The following TMTC1 variants were observed in gnomAD, a reference collection of about 807,000 sequenced individuals.
The protein encoded by TMTC1 is protein O-mannosyl-transferase TMTC1.
A neutral mutation model predicts 104.8 loss-of-function variants in TMTC1; 73 were observed. The observed-to-expected ratio is 0.70, with a 90% CI of 0.58 to 0.85. The LOEUF (loss-of-function observed/expected upper bound fraction) is 0.85, where lower values mean the gene tolerates loss of function less well. Ranked by LOEUF, TMTC1 falls within the 40% of genes least tolerant of loss-of-function variation. The pLI is 0.00. For missense variants in TMTC1, 1,035 were observed against 1,096.1 expected, an observed-to-expected ratio of 0.94 and a Z score of 0.79; for synonymous variants, 434 against 428.7, an observed-to-expected ratio of 1.01 and a Z score of -0.15.
intron 6 of TMTC1, among the ~76,000 whole-genome samples, chr12:29,617,536 CAGAG>C (rs145115277): frequency 1.6e-3 from 221 of 134,960 alleles, no homozygotes; most frequent in South Asian, 3.8e-3. Flanking sequence ...AAACAGACAA[CAGAG>C]AGAGAGAGAG....
At chr12:29,740,195 T>G (rs962634004) in intron 5 of TMTC1, among the ~76,000 whole-genome samples, 3 of 152,032 alleles carry the variant, frequency 2.0e-5, no homozygotes, top group African/African-American at 7.2e-5. Context: ...TAAAAAAAAT[T>G]TTGAGGAGAT....
chr12:29,585,158 T>C (rs1249067623), intron 7 of TMTC1, among the ~76,000 whole-genome samples: 4 of 151,644 alleles, frequency 2.6e-5, no homozygotes, highest in African/African-American at 9.7e-5. Context: ...GGTATCTCAT[T>C]GTGGTTTTGA....
At chr12:29,626,843 G>A (rs1417757310) in intron 6 of TMTC1, among the ~76,000 whole-genome samples, 3 of 152,200 alleles carry the variant, frequency 2.0e-5, no homozygotes, top group Non-Finnish European at 4.4e-5. Flanking sequence ...GCTCATGCCT[G>A]TAATCCCAGC....
chr12:29,674,900 C>T (rs756975401), intron 5 of TMTC1, among the ~76,000 whole-genome samples: 2 of 152,264 alleles, frequency 1.3e-5, no homozygotes, highest in African/African-American at 2.4e-5. Context: ...ATGATTATTA[C>T]TTAATACCCA....
At chr12:29,542,305 T>A (rs1389386198) in intron 10 of TMTC1, among the ~76,000 whole-genome samples, 2 of 152,142 alleles carry the variant, frequency 1.3e-5, no homozygotes, top group East Asian at 3.9e-4. Flanking sequence ...TCAGAGCTTC[T>A]GGTAGAGGGT....
chr12:29,735,041 G>A lies in TMTC1; in HGVS notation c.938+16625C>T, dbSNP rs139849514. Among the ~76,000 whole-genome samples, 1,497 of 152,288 alleles carry A rather than the reference G, an allele frequency of 9.8e-3. 12 individuals carry two copies. Among genetic ancestry groups the A allele is most frequent in the African/African-American group, 0.018 (767 of 41,552 alleles). ...TTAAACAACTAAGCATATGCCAACC[G>A]TGTTCACATTCAACCGCAGAACTAA... On this transcript the variant is annotated intron_variant, in intron 5 of 17. Transcript: ENST00000539277.
intron 5 of TMTC1, among the ~76,000 whole-genome samples, chr12:29,644,363 G>A (rs549478237): frequency 6.6e-6 from 1 of 151,660 alleles, no homozygotes; most frequent in South Asian, 2.1e-4. Context: ...GACTTGGGGG[G>A]AAGAGTGTGA....
At chr12:29,613,961 C>T (rs888099794) in intron 6 of TMTC1, 11 of 977,074 alleles carry the variant, frequency 1.1e-5, no homozygotes, top group Non-Finnish European at 1.3e-5. Flanking sequence ...GAAGACAGTC[C>T]CTTTGTTCTA....
At chr12:29,549,886 G>C (rs924154002) in intron 10 of TMTC1, among the ~76,000 whole-genome samples, 1 of 152,106 alleles carries the variant, frequency 6.6e-6, no homozygotes. Flanking sequence ...TCCATGTAGG[G>C]ATCCCATTCA....
intron 11 of TMTC1, among the ~76,000 whole-genome samples, chr12:29,526,307 G>GTATA (rs1944342752): frequency 6.6e-6 from 1 of 152,172 alleles, no homozygotes; most frequent in South Asian, 2.1e-4. Context: ...CTCTCCATGA[G>GTATA]TATATGCTTA....
rs76451788 is a variant in TMTC1 at position 29,606,179 on chromosome 12, G to T, written c.1129-1880C>A. On this transcript the variant is annotated intron_variant, in intron 6 of 17. Coordinates refer to ENST00000539277, the MANE Select transcript of TMTC1 (RefSeq NM_001193451.2). ...AAAGTGCTGTGATAAACACATAAGT[G>T]CAGGCATCTTTTTGGTAGAATGATT... 2.2e-3 allele frequency among the ~76,000 whole-genome samples: 337 copies of T among 152,284 alleles called. 1 individual carries two copies. The highest frequency in any genetic ancestry group is 7.8e-3 in the African/African-American group (325 of 41,558).
chr12:29,709,096 T>C (rs1476440242), intron 5 of TMTC1, among the ~76,000 whole-genome samples: 1 of 152,236 alleles, frequency 6.6e-6, no homozygotes, highest in Non-Finnish European at 1.5e-5. Flanking sequence ...TTTTGCACTA[T>C]ATATCAGAAA....
Position 29,758,713 on chromosome 12 carries a change from G to C in TMTC1, c.545C>G (p.Ser182Trp). The C allele has an allele frequency of 6.2e-7, 1 of 1,613,566 alleles. No individual in the cohort carries two copies. The highest frequency in any genetic ancestry group is 8.5e-7 in the Non-Finnish European group (1 of 1,179,796). The change falls in exon 3 of 18, where the codon TCG (serine) becomes TGG (tryptophan). Residue 182 changes from serine to tryptophan, a missense_variant. By Grantham distance (177) the Ser-to-Trp change is radical. Transcript: ENST00000539277. ...ACLLFLLAFL[S>W]YNRSLDQGCV... Reference sequence around the variant, plus strand: ...TCTTAGCTACACATACCTGTTGTACGAGAGAAAGGCCAATAGAAACAGCAG... The same window carrying C: ...TCTTAGCTACACATACCTGTTGTACCAGAGAAAGGCCAATAGAAACAGCAG...
intron 4 of TMTC1, among the ~76,000 whole-genome samples, 168 bp from the exon 5 acceptor site, chr12:29,752,040 C>T (rs1943104048): frequency 6.6e-6 from 1 of 152,040 alleles, no homozygotes; most frequent in African/African-American, 2.4e-5. Context: ...ATTAAAACAA[C>T]ATAATTATGA....
intron 5 of TMTC1, among the ~76,000 whole-genome samples, chr12:29,711,501 A>C (rs1052845006): frequency 6.6e-6 from 1 of 152,204 alleles, no homozygotes; most frequent in Non-Finnish European, 1.5e-5. Context: ...ATGCTGACCT[A>C]GGACGGGTGT....
At chr12:29,538,413 T>G (rs1177933569) in intron 10 of TMTC1, among the ~76,000 whole-genome samples, 1 of 152,206 alleles carries the variant, frequency 6.6e-6, no homozygotes, top group Admixed American at 6.5e-5. Flanking sequence ...CATAAATCTT[T>G]AATAACATTA....
intron 5 of TMTC1, chr12:29,666,395 G>A: frequency 3.1e-6 from 1 of 322,188 alleles, no homozygotes; most frequent in South Asian, 2.4e-5. Context: ...TTTTTTTTTT[G>A]TTGTTGTTGT....
At chr12:29,637,091 C>T (rs1344431935) in intron 5 of TMTC1, among the ~76,000 whole-genome samples, 1 of 70,740 alleles carries the variant, frequency 1.4e-5, no homozygotes, top group East Asian at 2.8e-4. Flanking sequence ...GAGAAACACA[C>T]ACACACACAC....
rs1007195526 is a variant in TMTC1, at chr12:29,518,569, T to C, written c.1927A>G (p.Ile643Val). The C allele has an allele frequency of 5.0e-6, 8 of 1,614,036 alleles. No individual in the cohort carries two copies. In the African/African-American group the frequency reaches 9.3e-5, roughly 19 times the overall value. Reference protein sequence around the residue: ...EKAVAHYQQAIKLSPSHHVAM... With the variant: ...EKAVAHYQQAVKLSPSHHVAM... The stretch of plus-strand genomic sequence containing the variant: ...ACGTGATGACTGGGGCTAAGTTTGA[T>C]GGCCTGCTGGTAATGGGCCACTGCC... The change falls in exon 13 of 18, where the codon ATC becomes GTC. Residue 643 changes from isoleucine to valine, a missense_variant. Transcript: ENST00000539277.
Sources: gnomAD v4.1 joint callset for allele counts (sites outside exome capture counted in the v4.1 genomes callset) on GRCh38, gnomAD v4.1.1 for gene constraint, MANE v1.5 for transcripts, NCBI Gene and HGNC (gene_info 2026-07-23, HGNC 2026-07-21) for gene names.